The following DNAH10 variants were observed in gnomAD, a reference collection of about 807,000 sequenced individuals.
DNAH10 encodes axonemal beta dynein heavy chain 10.
In DNAH10, 348 loss-of-function variants were observed where a neutral mutation model predicts 506.6. The ratio of observed to expected loss-of-function variants is 0.69; its 90% CI spans 0.63 to 0.75. DNAH10 has a LOEUF of 0.75. Among genes scored for constraint, DNAH10 ranks in the 30% least tolerant of loss-of-function variants. The pLI is 0.00. For synonymous variants in DNAH10, 2,059 were observed against 2,198.6 expected (o/e 0.94, Z 1.78); for missense variants, 5,179 against 5,787.1 (o/e 0.89, Z 3.41).
rs1957076144 is a variant in DNAH10 at position 123,767,082 on chromosome 12, A to G, written c.215-524A>G. Among the ~76,000 whole-genome samples the G allele has an allele frequency of 1.3e-5, 2 of 150,996 alleles. 1 individual carries two copies. Among genetic ancestry groups the G allele is most frequent in the African/African-American group, 4.9e-5 (2 of 41,112 alleles). On this transcript the variant is annotated intron_variant, in intron 1 of 78. Coordinates refer to ENST00000673944, the MANE Select transcript of DNAH10 (RefSeq NM_001372106.1). ...CACCACACCCAGCTAATTTTTTTGT[A>G]TTTTTAATAGAGACGAGGTTTCACC... is the stretch of plus-strand genomic sequence containing the variant.
chr12:123,854,406 C>T (rs1157154068), intron 36 of DNAH10, among the ~76,000 whole-genome samples: 1 of 152,158 alleles, frequency 6.6e-6, no homozygotes, highest in African/African-American at 2.4e-5. Context: ...TTGCAGCAGT[C>T]TCTCCTCCTA....
intron 46 of DNAH10, among the ~76,000 whole-genome samples, chr12:123,874,424 T>C (rs1447391870): frequency 2.0e-5 from 3 of 152,096 alleles, no homozygotes; most frequent in African/African-American, 7.2e-5. Context: ...ACCATCCATC[T>C]GTCCATTCAT....
intron 10 of DNAH10, 109 bp downstream of exon 10, chr12:123,788,111 A>G: frequency 8.0e-7 from 1 of 1,253,266 alleles, no homozygotes; most frequent in Non-Finnish European, 1.1e-6. Context: ...AGGGCCTGGC[A>G]GGGAGAAGCC....
intron 57 of DNAH10, among the ~76,000 whole-genome samples, chr12:123,906,569 C>T (rs2137340708): frequency 6.6e-6 from 1 of 152,288 alleles, no homozygotes; most frequent in South Asian, 2.1e-4. Flanking sequence ...ATATTGTGTC[C>T]TAGTTAAAAG....
At chr12:123,930,594 A>G (rs1221742764) in intron 73 of DNAH10, 21 bp downstream of exon 73, 2 of 1,604,086 alleles carry the variant, frequency 1.2e-6, no homozygotes, top group Admixed American at 1.8e-5. Context: ...TCAGACATGA[A>G]AAGATGTTTT....
intron 35 of DNAH10, among the ~76,000 whole-genome samples, chr12:123,852,577 T>C (rs1239460975): frequency 4.0e-5 from 5 of 126,000 alleles, no homozygotes; most frequent in Non-Finnish European, 7.2e-5. Context: ...ATTTACAGCC[T>C]TTTTTTTTTT....
intron 24 of DNAH10, among the ~76,000 whole-genome samples, chr12:123,823,162 C>G (rs938387179): frequency 6.6e-6 from 1 of 152,218 alleles, no homozygotes; most frequent in Non-Finnish European, 1.5e-5. Context: ...AGGCTTTTGC[C>G]TGGTGCAGAA....
chr12:123,873,809 C>A, intron 46 of DNAH10, 99 bp downstream of exon 46: 11 of 1,427,748 alleles, frequency 7.7e-6, no homozygotes, highest in Non-Finnish European at 1.0e-5. Flanking sequence ...GAACATTGAT[C>A]TTTACCTCTG....
chr12:123,822,748 A>G (rs1356756876), intron 24 of DNAH10, among the ~76,000 whole-genome samples: 1 of 152,148 alleles, frequency 6.6e-6, no homozygotes, highest in African/African-American at 2.4e-5. Flanking sequence ...CTGATGGTAT[A>G]GATTCTAGTC....
intron 38 of DNAH10, 64 bp downstream of exon 38, chr12:123,859,332 C>T: frequency 7.8e-7 from 1 of 1,289,280 alleles, no homozygotes; most frequent in African/African-American, 1.6e-5. Flanking sequence ...TGTTTGGTGC[C>T]AGTATTACCA....
intron 47 of DNAH10, among the ~76,000 whole-genome samples, chr12:123,877,138 T>C (rs1375722252): frequency 6.6e-6 from 1 of 152,154 alleles, no homozygotes; most frequent in African/African-American, 2.4e-5. Context: ...CCACCTCTCA[T>C]TCCCAGGAAC....
In DNAH10 at chr12:123,774,280, G is replaced by A; in HGVS notation, c.621+16G>A. The A allele has an allele frequency of 6.5e-7, 1 of 1,543,980 alleles. No homozygotes were observed. The highest frequency in any genetic ancestry group is 8.8e-7 in the Non-Finnish European group (1 of 1,136,668). On this transcript the variant is annotated intron_variant, in intron 5 of 78. Coordinates refer to ENST00000673944, the MANE Select transcript of DNAH10 (RefSeq NM_001372106.1). Reference sequence around the variant, plus strand: ...TATATGTCAGGTAAACATGGAGAAAGGAAGAAATTCTAGTATTTCTAAAGT... The same window carrying A: ...TATATGTCAGGTAAACATGGAGAAAAGAAGAAATTCTAGTATTTCTAAAGT...
In DNAH10 at chr12:123,925,842, G is replaced by A. The variant is rs1954918506; in HGVS notation, c.11921+638G>A. On this transcript the variant is annotated intron_variant, in intron 68 of 78. Transcript: ENST00000673944. This position sits in a 1 kb window ranked among gnomAD's most constrained non-coding sequence, Gnocchi z 4.0. ...CCAGGTGCCATTGGGAACCCACAGT[G>A]GCTGGATCCTCTGACTCTGAAAGAA... 1 of 152,248 alleles carries A rather than the reference G, an allele frequency of 6.6e-6. No homozygotes were observed. Among genetic ancestry groups the A allele is most frequent in the African/African-American group, 2.4e-5 (1 of 41,446 alleles). 9.4% of individuals were successfully genotyped at this position (152,248 alleles called of 1,614,324 possible).
chr12:123,870,883 T>G (rs1952005050), intron 44 of DNAH10, among the ~76,000 whole-genome samples: 2 of 152,224 alleles, frequency 1.3e-5, no homozygotes. Flanking sequence ...CTGTGTGCCA[T>G]GGGCGTTTAC....
At chr12:123,803,130 A>G (rs1462575632) in intron 16 of DNAH10, among the ~76,000 whole-genome samples, 1 of 152,160 alleles carries the variant, frequency 6.6e-6, no homozygotes, top group Admixed American at 6.6e-5. Flanking sequence ...TTTTGCTGTC[A>G]AGTCGAAGAA....
chr12:123,782,889 C>T (rs1311247477), intron 6 of DNAH10, among the ~76,000 whole-genome samples: 4 of 152,120 alleles, frequency 2.6e-5, no homozygotes, highest in Non-Finnish European at 5.9e-5. Context: ...ATAACTAAAT[C>T]ATTTTGATCA....
intron 54 of DNAH10, among the ~76,000 whole-genome samples, chr12:123,896,136 CACACACACACACAGAGAGAGAG>C (rs1423293672): frequency 1.8e-5 from 2 of 112,924 alleles, no homozygotes; most frequent in Admixed American, 1.7e-4. Flanking sequence ...CACACACACA[CACACACACACACAGAGAGAGAG>C]AGAGAGAGAG....
intron 3 of DNAH10, among the ~76,000 whole-genome samples, chr12:123,772,353 G>C (rs1285171786): frequency 1.3e-5 from 2 of 152,216 alleles, no homozygotes; most frequent in East Asian, 3.8e-4. Context: ...TATTCCAAAA[G>C]CTTGGAAGTT....
At chr12:123,832,673 A>C (rs1960697713) in intron 26 of DNAH10, among the ~76,000 whole-genome samples, 1 of 152,152 alleles carries the variant, frequency 6.6e-6, no homozygotes, top group Non-Finnish European at 1.5e-5. Context: ...TGAATATGGA[A>C]TCATAAGAGG....
Sources: gnomAD v4.1 joint callset for allele counts (sites outside exome capture counted in the v4.1 genomes callset) on GRCh38, gnomAD v4.1.1 for gene constraint, Gnocchi (gnomAD v3.1) non-coding constraint, MANE v1.5 for transcripts, NCBI Gene and HGNC (gene_info 2026-07-23, HGNC 2026-07-21) for gene names.